Variants in ACER3 observed in about 807,000 individuals in gnomAD.
ACER3 encodes alkaline ceramidase 3.
Under a neutral mutation model 48.9 loss-of-function variants are expected in ACER3, and 16 were observed. The observed-to-expected ratio is 0.33, with a 90% CI of 0.22 to 0.50. ACER3 has a LOEUF of 0.50. Among genes scored for constraint, ACER3 ranks in the 20% least tolerant of loss-of-function variants. The probability of loss-of-function intolerance (pLI) is 0.98; values close to 1 mark genes in which losing one functional copy is unlikely to be tolerated. For synonymous variants in ACER3, 109 were observed against 107.8 expected, an observed-to-expected ratio of 1.01 and a Z score of -0.07; for missense variants, 227 against 326.0, an observed-to-expected ratio of 0.70 and a Z score of 2.34.
chr11:76,867,999 G>T (rs1395902900), intron 1 of ACER3: 15 of 776,862 alleles, frequency 1.9e-5, no homozygotes, highest in African/African-American at 3.7e-5. Context: ...TTTTTTCCTT[G>T]CTGCTGCAGC....
At chr11:76,992,437 A>G (rs990226949) in intron 6 of ACER3, among the ~76,000 whole-genome samples, 3 of 152,120 alleles carry the variant, frequency 2.0e-5, no homozygotes, top group Admixed American at 6.5e-5. Flanking sequence ...CTAAGTAACT[A>G]CCCCGGTGCA....
chr11:76,919,382 AT>A (rs1195754700), intron 1 of ACER3, among the ~76,000 whole-genome samples: 1 of 152,170 alleles, frequency 6.6e-6, no homozygotes, highest in Admixed American at 6.5e-5. Context: ...TGTTTCTCAT[AT>A]TTTTGATATT....
intron 1 of ACER3, among the ~76,000 whole-genome samples, chr11:76,916,235 A>G (rs1305446921): frequency 1.3e-5 from 2 of 152,242 alleles, no homozygotes; most frequent in Admixed American, 1.3e-4. Flanking sequence ...TTATTACATC[A>G]TAACTGAACC....
At chr11:76,912,294 C>T (rs773533228) in intron 1 of ACER3, among the ~76,000 whole-genome samples, 6 of 152,090 alleles carry the variant, frequency 3.9e-5, no homozygotes, top group South Asian at 2.1e-4. Flanking sequence ...ACAATTTTTC[C>T]TTCAGGGGCT....
At chr11:76,958,829 C>T (rs1023211463) in intron 2 of ACER3, 150 bp from the exon 3 acceptor site, 41 of 782,764 alleles carry the variant, frequency 5.2e-5, no homozygotes, top group Non-Finnish European at 7.9e-5. Flanking sequence ...AATTATAGCA[C>T]TTACTCAAGA....
chr11:76,974,530 C>T (rs1315981866), intron 3 of ACER3, among the ~76,000 whole-genome samples: 3 of 152,254 alleles, frequency 2.0e-5, no homozygotes, highest in African/African-American at 7.2e-5. Context: ...AACTGCTCCA[C>T]CACTTAAAAG....
intron 1 of ACER3, among the ~76,000 whole-genome samples, chr11:76,888,619 A>T (rs1229298749): frequency 1.3e-5 from 2 of 152,162 alleles, no homozygotes; most frequent in Non-Finnish European, 2.9e-5. Context: ...TGGCTTTTGG[A>T]TGGAAGCTGC....
intron 1 of ACER3, among the ~76,000 whole-genome samples, chr11:76,919,317 C>A (rs1323083346): frequency 6.6e-6 from 1 of 152,204 alleles, no homozygotes; most frequent in Non-Finnish European, 1.5e-5. Flanking sequence ...ACTGTATCTT[C>A]ATTCACAATT....
intron 1 of ACER3, among the ~76,000 whole-genome samples, chr11:76,887,811 CT>C (rs67954212): frequency 0.039 from 3,393 of 86,876 alleles, 44 homozygotes; most frequent in South Asian, 0.059. Flanking sequence ...CTATAGGTAA[CT>C]TTTTTTTTTT....
chr11:76,889,058 T>C (rs1945743292), intron 1 of ACER3, among the ~76,000 whole-genome samples: 1 of 152,220 alleles, frequency 6.6e-6, no homozygotes, highest in African/African-American at 2.4e-5. Context: ...TTCTATTTCA[T>C]CTAGCTATTA....
chr11:76,943,469 C>T lies in ACER3; in HGVS notation c.215-15510C>T, dbSNP rs182297825. Reference sequence around the variant, plus strand: ...AATTTCTGTGTGTTTGTATAGTTTCCAGAGTTCCTTTGGTAGTGATTTCTA... The same window carrying T: ...AATTTCTGTGTGTTTGTATAGTTTCTAGAGTTCCTTTGGTAGTGATTTCTA... On this transcript the variant is annotated intron_variant, in intron 2 of 10. Transcript: ENST00000532485. Among the ~76,000 whole-genome samples the T allele has an allele frequency of 2.6e-4, 39 of 152,036 alleles. No homozygotes were observed. In the East Asian group the frequency reaches 6.7e-3, roughly 26 times the overall value.
At chr11:76,922,742 C>T (rs1306768954) in intron 1 of ACER3, among the ~76,000 whole-genome samples, 2 of 152,080 alleles carry the variant, frequency 1.3e-5, no homozygotes, top group Non-Finnish European at 2.9e-5. Context: ...ATTGTGAGAA[C>T]TTGGAATTGT....
chr11:77,021,558 C>T lies in ACER3; in HGVS notation c.*1231C>T, dbSNP rs1356425481. The T allele has an allele frequency of 2.0e-5, 3 of 152,150 alleles. No homozygotes were observed. Among genetic ancestry groups the T allele is most frequent in the Non-Finnish European group, 4.4e-5 (3 of 68,012 alleles). The allele number at this position is 152,150 out of a possible 1,614,324, so 9.4% of individuals were successfully genotyped here. A position where few individuals can be genotyped will look rare whatever the true frequency, so the allele number is the denominator to read the frequency against. On this transcript the variant is annotated 3_prime_UTR_variant, in exon 11 of 11. Transcript: ENST00000532485. ...TTTGACCCCTCTGCTCATGTTTCAT[C>T]ATATTTGTAGCTCTGCATCATTTAG...
rs1272209642 is a variant in ACER3 at position 77,005,994 on chromosome 11, T to TATATATATATACGTATATA, written c.497+7173_497+7174insATATATATATACGTATATA. 4.7e-3 allele frequency among the ~76,000 whole-genome samples: 384 copies of TATATATATATACGTATATA among 81,784 alleles called. 3 individuals carry two copies. The highest frequency in any genetic ancestry group is 0.011 in the East Asian group (22 of 2,088). The allele number at this position is 81,784 out of a possible 152,430, so 53.7% of individuals were successfully genotyped here. ...ATACATATATATATATATATATATT[T>TATATATATATACGTATATA]TTTTTTTTTTTTGAGCCAGAGTTTC... is the stretch of plus-strand genomic sequence containing the variant. On this transcript the variant is annotated intron_variant, in intron 7 of 10. Transcript: ENST00000532485.
rs373437545 is a variant in ACER3 at position 76,998,790 on chromosome 11, T to C, written c.466T>C (p.Leu156=). ...CATGTATGGAATGTTGGTCTTTACA[T>C]TAGTACTTCGATCTATTTATATTGT... is the stretch of plus-strand genomic sequence containing the variant. ...QVMYGMLVFT[L]VLRSIYIVTW... is the part of the protein sequence containing the mutation. Residue 156 remains leucine, a synonymous_variant, in exon 7 of 11, where the codon TTA becomes CTA. Transcript: ENST00000532485. 10 of 1,598,558 alleles carry C rather than the reference T, an allele frequency of 6.3e-6. No homozygotes were observed. In the African/African-American group the frequency reaches 1.4e-4, roughly 22 times the overall value.
At chr11:76,880,340 C>G (rs911870489) in intron 1 of ACER3, among the ~76,000 whole-genome samples, 4 of 152,198 alleles carry the variant, frequency 2.6e-5, no homozygotes, top group Admixed American at 2.6e-4. Context: ...ACAACACAAT[C>G]AACACAGAAG....
intron 1 of ACER3, among the ~76,000 whole-genome samples, chr11:76,863,062 T>TA (rs1944983325): frequency 6.6e-6 from 1 of 151,804 alleles, no homozygotes; most frequent in Admixed American, 6.6e-5. Context: ...CCTGTCTCCA[T>TA]AAAAAATAAA....
chr11:76,982,484 G>A (rs7931088), intron 4 of ACER3, among the ~76,000 whole-genome samples: 3 of 151,802 alleles, frequency 2.0e-5, no homozygotes, highest in Admixed American at 2.0e-4. Context: ...CAAAGTGCTG[G>A]GATTACAGGC....
intron 1 of ACER3, among the ~76,000 whole-genome samples, chr11:76,875,286 G>A (rs779176537): frequency 4.0e-5 from 6 of 151,230 alleles, no homozygotes; most frequent in South Asian, 2.1e-4. Flanking sequence ...GCTAATTTTC[G>A]TATTTTTAGT....
Sources: gnomAD v4.1 joint callset for allele counts (sites outside exome capture counted in the v4.1 genomes callset) on GRCh38, gnomAD v4.1.1 for gene constraint, MANE v1.5 for transcripts, NCBI Gene and HGNC (gene_info 2026-07-23, HGNC 2026-07-21) for gene names.